The following OXR1 variants were observed in gnomAD, a reference collection of about 807,000 sequenced individuals.
OXR1 encodes oxidation resistance protein 1.
OXR1 carries 41 observed loss-of-function variants against 104.6 expected under a neutral mutation model. That is an observed-to-expected ratio of 0.39 (90% CI 0.31 to 0.51). The LOEUF (loss-of-function observed/expected upper bound fraction) is 0.51. OXR1 is among the 20% of genes least tolerant of loss of function. The probability of loss-of-function intolerance (pLI) is 0.77; values close to 1 mark genes in which losing one functional copy is unlikely to be tolerated. For missense variants in OXR1, 955 were observed against 1,031.9 expected (o/e 0.93, Z 1.02); for synonymous variants, 348 against 348.4 (o/e 1.00, Z 0.01).
At chr8:106,445,410 A>G (rs747769756) in intron 2 of OXR1, among the ~76,000 whole-genome samples, 5 of 152,182 alleles carry the variant, frequency 3.3e-5, no homozygotes, top group Non-Finnish European at 5.9e-5. Context: ...CATCTGCAGG[A>G]TACTGAAGTA....
intron 3 of OXR1, among the ~76,000 whole-genome samples, chr8:106,580,727 C>T (rs1028786493): frequency 6.6e-6 from 1 of 152,012 alleles, no homozygotes; most frequent in Non-Finnish European, 1.5e-5. Flanking sequence ...CACATTCTCA[C>T]CAACACTTGC....
At chr8:106,592,446 T>C (rs781254363) in intron 3 of OXR1, among the ~76,000 whole-genome samples, 1 of 152,162 alleles carries the variant, frequency 6.6e-6, no homozygotes, top group Admixed American at 6.5e-5. Context: ...GCTACTTCAC[T>C]TTACAGATGA....
chr8:106,716,315 T>G (rs1462336884), intron 11 of OXR1, among the ~76,000 whole-genome samples: 2 of 152,150 alleles, frequency 1.3e-5, no homozygotes, highest in African/African-American at 4.8e-5. Context: ...TCAATTGAAA[T>G]GAGCTGTAGT....
intron 3 of OXR1, among the ~76,000 whole-genome samples, chr8:106,669,835 T>G (rs1826751331): frequency 6.6e-6 from 1 of 152,180 alleles, no homozygotes; most frequent in Admixed American, 6.5e-5. Context: ...TACTGCTCTG[T>G]TAATTCTCTG....
At chr8:106,296,307 TAAA>T (rs746558735) in intron 1 of OXR1, among the ~76,000 whole-genome samples, 1 of 152,156 alleles carries the variant, frequency 6.6e-6, no homozygotes, top group Non-Finnish European at 1.5e-5. Flanking sequence ...AAAGCAGGCA[TAAA>T]AAGAATTAGT....
chr8:106,538,923 G>A (rs1814750099), intron 3 of OXR1, among the ~76,000 whole-genome samples: 1 of 152,150 alleles, frequency 6.6e-6, no homozygotes, highest in African/African-American at 2.4e-5. Context: ...TATGCCGTAG[G>A]TTTTTTACAT....
At chr8:106,627,330 A>T (rs1409256420) in intron 3 of OXR1, among the ~76,000 whole-genome samples, 1 of 152,116 alleles carries the variant, frequency 6.6e-6, no homozygotes, top group African/African-American at 2.4e-5. Context: ...TATGCATTTT[A>T]ATATGGAGAC....
chr8:106,405,433 AG>A (rs1361198666), intron 2 of OXR1, among the ~76,000 whole-genome samples: 1 of 151,944 alleles, frequency 6.6e-6, no homozygotes, highest in Non-Finnish European at 1.5e-5. Flanking sequence ...CTTCTGTGAA[AG>A]GTGAATTTGA....
chr8:106,500,947 C>T (rs1015636845), intron 2 of OXR1, among the ~76,000 whole-genome samples: 4 of 152,096 alleles, frequency 2.6e-5, no homozygotes, highest in African/African-American at 4.8e-5. Flanking sequence ...ATTGATAAGT[C>T]GTCTGAAGAA....
chr8:106,561,725 G>T (rs1816697389), intron 3 of OXR1, among the ~76,000 whole-genome samples: 2 of 152,206 alleles, frequency 1.3e-5, no homozygotes, highest in African/African-American at 4.8e-5. Context: ...ATCCAGGAGA[G>T]CTCTAGCTGG....
At chr8:106,490,031 AT>A (rs1810972210) in intron 2 of OXR1, among the ~76,000 whole-genome samples, 1 of 152,114 alleles carries the variant, frequency 6.6e-6, no homozygotes, top group South Asian at 2.1e-4. Context: ...CCATAGCCCC[AT>A]TTTCATTAAA....
intron 3 of OXR1, among the ~76,000 whole-genome samples, chr8:106,633,441 A>G (rs1372770633): frequency 2.6e-5 from 4 of 152,098 alleles, no homozygotes; most frequent in African/African-American, 9.7e-5. Context: ...CTCTTTGTCA[A>G]TTTTACCATC....
intron 2 of OXR1, among the ~76,000 whole-genome samples, chr8:106,421,437 G>A (rs114819958): frequency 0.011 from 1,649 of 152,208 alleles, 29 homozygotes; most frequent in African/African-American, 0.036. Flanking sequence ...GTTGGCTGCC[G>A]GTTTTCTGGG....
intron 2 of OXR1, among the ~76,000 whole-genome samples, chr8:106,484,417 A>G (rs1822323974): frequency 6.6e-6 from 1 of 152,092 alleles, no homozygotes; most frequent in Admixed American, 6.6e-5. Flanking sequence ...CTCCATAAAC[A>G]TGTATTAATA....
At chr8:106,618,986 A>G (rs532189432) in intron 3 of OXR1, among the ~76,000 whole-genome samples, 1 of 152,282 alleles carries the variant, frequency 6.6e-6, no homozygotes, top group African/African-American at 2.4e-5. Flanking sequence ...TATAAAAAGA[A>G]CTGAGGCGTG....
At chr8:106,319,461 C>G (rs935216494) in intron 1 of OXR1, among the ~76,000 whole-genome samples, 2 of 152,140 alleles carry the variant, frequency 1.3e-5, no homozygotes, top group African/African-American at 4.8e-5. Context: ...AATTTTTTGT[C>G]TAGATTTGGA....
At chr8:106,343,448 T>C (rs2130278278) in intron 1 of OXR1, among the ~76,000 whole-genome samples, 1 of 152,380 alleles carries the variant, frequency 6.6e-6, no homozygotes, top group African/African-American at 2.4e-5. Flanking sequence ...AGTTCTGCTT[T>C]CCATTGTGTT....
At chr8:106,375,318 C>T (rs569655835) in intron 2 of OXR1, among the ~76,000 whole-genome samples, 18 of 152,228 alleles carry the variant, frequency 1.2e-4, no homozygotes, top group Non-Finnish European at 1.9e-4. Flanking sequence ...TGGTTTTTGT[C>T]GTACTTTTAA....
chr8:106,527,288 C>T (rs747939313), intron 3 of OXR1, among the ~76,000 whole-genome samples: 3 of 152,226 alleles, frequency 2.0e-5, no homozygotes, highest in East Asian at 1.9e-4. Flanking sequence ...GAATGAAGCA[C>T]CATGGTACCT....
Sources: allele counts gnomAD v4.1 joint callset (sites outside exome capture counted in the v4.1 genomes callset), GRCh38; gene constraint gnomAD v4.1.1; transcripts MANE v1.5; gene names NCBI Gene and HGNC (gene_info 2026-07-23, HGNC 2026-07-21).